The following DLGAP2 variants were observed in gnomAD, a reference collection of about 807,000 sequenced individuals.
The protein encoded by DLGAP2 is disks large-associated protein 2.
Under a neutral mutation model 100.3 loss-of-function variants are expected in DLGAP2, and 26 were observed. That is an observed-to-expected ratio of 0.26 (90% CI 0.19 to 0.36). DLGAP2 has a LOEUF of 0.36. Among genes scored for constraint, DLGAP2 ranks in the 10% least tolerant of loss-of-function variants. The probability of loss-of-function intolerance (pLI) is 1.00; values close to 1 mark genes in which losing one functional copy is unlikely to be tolerated. For synonymous variants in DLGAP2, 886 were observed against 630.1 expected, an observed-to-expected ratio of 1.41 and a Z score of -6.08; for missense variants, 1,858 against 1,453.2, an observed-to-expected ratio of 1.28 and a Z score of -4.53.
intron 4 of DLGAP2, among the ~76,000 whole-genome samples, chr8:1,516,998 G>T (rs539057975): frequency 6.6e-6 from 1 of 152,262 alleles, no homozygotes; most frequent in South Asian, 2.1e-4. Context: ...GTCCCCAACA[G>T]CCCCAGGGTG....
At chr8:1,183,906 A>T (rs1029274003) in intron 2 of DLGAP2, among the ~76,000 whole-genome samples, 1 of 152,276 alleles carries the variant, frequency 6.6e-6, no homozygotes, top group Admixed American at 6.5e-5. Context: ...TCTATTTATC[A>T]AATAGGAATA....
intron 2 of DLGAP2, among the ~76,000 whole-genome samples, chr8:997,282 A>G (rs1047945008): frequency 3.3e-5 from 5 of 152,230 alleles, no homozygotes; most frequent in Non-Finnish European, 5.9e-5. Flanking sequence ...ATTGAAATTA[A>G]TTCATGAAAA....
At chr8:1,049,285 A>G (rs886747629) in intron 2 of DLGAP2, among the ~76,000 whole-genome samples, 1 of 152,122 alleles carries the variant, frequency 6.6e-6, no homozygotes, top group Non-Finnish European at 1.5e-5. Flanking sequence ...TTTTATGCAA[A>G]TATCAATGTT....
At chr8:1,415,349 G>T (rs1796853437) in intron 3 of DLGAP2, among the ~76,000 whole-genome samples, 1 of 152,044 alleles carries the variant, frequency 6.6e-6, no homozygotes, top group Admixed American at 6.6e-5. Context: ...GGGTACGTTG[G>T]CAAGTTTGTT....
intron 2 of DLGAP2, among the ~76,000 whole-genome samples, chr8:1,139,856 G>A (rs1455148183): frequency 1.3e-5 from 2 of 151,990 alleles, no homozygotes; most frequent in Admixed American, 1.3e-4. Context: ...GTGGCGTAGG[G>A]TTCTATTACT....
chr8:1,058,628 C>T (rs1400909166), intron 2 of DLGAP2, among the ~76,000 whole-genome samples: 2 of 152,192 alleles, frequency 1.3e-5, no homozygotes, highest in African/African-American at 2.4e-5. Flanking sequence ...TGGTTAAAAT[C>T]CAAGTTTCTA....
chr8:1,573,427 A>C (rs1319292468), intron 6 of DLGAP2, among the ~76,000 whole-genome samples: 2 of 148,624 alleles, frequency 1.3e-5, no homozygotes, highest in Non-Finnish European at 3.0e-5. Context: ...TGAGATGGAG[A>C]GGAGAGAAGG....
intron 2 of DLGAP2, among the ~76,000 whole-genome samples, chr8:1,162,252 C>G (rs1796907461): frequency 6.6e-6 from 1 of 152,168 alleles, no homozygotes. Context: ...ATTCATTTCA[C>G]AAATATTTGC....
In DLGAP2 at chr8:1,632,982, A is replaced by C. The variant is rs1029455478; in HGVS notation, c.1746A>C (p.Gln582His). The C allele has an allele frequency of 6.2e-7, 1 of 1,613,870 alleles. No homozygotes were observed. Among genetic ancestry groups the C allele is most frequent in the African/African-American group, 1.3e-5 (1 of 74,922 alleles). The change falls in exon 8 of 15, where the codon CAA becomes CAC. Residue 582 changes from glutamine to histidine, a missense_variant. Transcript: ENST00000637795. ...GAGCCATTCAAGCCGGCTACTCCCA[A>C]GATGACGAATGTATTCCCATGATGA... ...YLRAIQAGYS[Q>H]DDECIPMMTP...
chr8:1,607,615 T>C (rs1458744389), intron 6 of DLGAP2, among the ~76,000 whole-genome samples: 1 of 152,212 alleles, frequency 6.6e-6, no homozygotes, highest in African/African-American at 2.4e-5. Context: ...TTTCTGCATT[T>C]CCATCTGAGG....
At chr8:1,521,227 CATCTCT>C in intron 4 of DLGAP2, among the ~76,000 whole-genome samples, 1 of 76,186 alleles carries the variant, frequency 1.3e-5, no homozygotes, top group African/African-American at 4.7e-5. Context: ...TGATATGGGG[CATCTCT>C]GGTTTGCACA....
At chr8:1,103,227 C>T (rs138547391) in intron 2 of DLGAP2, among the ~76,000 whole-genome samples, 4 of 152,216 alleles carry the variant, frequency 2.6e-5, no homozygotes, top group African/African-American at 9.6e-5. Flanking sequence ...CCCTGGGCGT[C>T]GTCTGGGGGT....
intron 2 of DLGAP2, among the ~76,000 whole-genome samples, chr8:959,300 C>G (rs1166089521): frequency 6.6e-6 from 1 of 152,136 alleles, no homozygotes; most frequent in African/African-American, 2.4e-5. Flanking sequence ...GTCTCAAGTG[C>G]ATTTGTGTGG....
chr8:1,585,339 C>G (rs532864621), intron 6 of DLGAP2, among the ~76,000 whole-genome samples: 5 of 147,050 alleles, frequency 3.4e-5, no homozygotes, highest in Non-Finnish European at 7.5e-5. Context: ...TGGCCCGTGC[C>G]TGTAATCCCA....
intron 2 of DLGAP2, among the ~76,000 whole-genome samples, chr8:1,113,064 T>C (rs1312962932): frequency 2.0e-5 from 3 of 152,210 alleles, no homozygotes; most frequent in Admixed American, 6.5e-5. Flanking sequence ...TTGGTCTGTG[T>C]GTCTGTTTTT....
chr8:1,267,623 T>A (rs1192420644), intron 3 of DLGAP2, among the ~76,000 whole-genome samples: 4,039 of 76,156 alleles, frequency 0.053, 653 homozygotes, highest in East Asian at 0.095. Context: ...TAAGATAAGA[T>A]AAATATTAAA....
intron 6 of DLGAP2, among the ~76,000 whole-genome samples, chr8:1,604,122 T>G (rs575444218): frequency 6.6e-6 from 1 of 152,214 alleles, no homozygotes; most frequent in Non-Finnish European, 1.5e-5. Flanking sequence ...TTCTTCATTT[T>G]GTGGACACTG....
chr8:994,470 G>A (rs1800730208), intron 2 of DLGAP2, among the ~76,000 whole-genome samples: 2 of 152,310 alleles, frequency 1.3e-5, no homozygotes, highest in Middle Eastern at 6.8e-3. Context: ...AAAGTGCTGG[G>A]ATTACAGGCA....
chr8:1,098,621 A>T (rs1804472190), intron 2 of DLGAP2, among the ~76,000 whole-genome samples: 1 of 111,648 alleles, frequency 9.0e-6, no homozygotes, highest in African/African-American at 3.1e-5. Flanking sequence ...GGGCGCCGCC[A>T]CCCACGCCAG....
Sources: allele counts gnomAD v4.1 joint callset (sites outside exome capture counted in the v4.1 genomes callset), GRCh38; gene constraint gnomAD v4.1.1; transcripts MANE v1.5; gene names NCBI Gene and HGNC (gene_info 2026-07-23, HGNC 2026-07-21).